The following OCM variants were observed in gnomAD, a reference collection of about 807,000 sequenced individuals.
OCM encodes the protein oncomodulin-1.
In OCM, 18 loss-of-function variants were observed where a neutral mutation model predicts 14.1. That is an observed-to-expected ratio of 1.28 (90% CI 0.88 to 1.89). The LOEUF is 1.89. OCM is among the 40% of genes most tolerant of loss of function. The probability of loss-of-function intolerance (pLI) is 0.00; values close to 1 mark genes in which losing one functional copy is unlikely to be tolerated. For synonymous variants in OCM, 48 were observed against 51.0 expected, an observed-to-expected ratio of 0.94 and a Z score of 0.25; for missense variants, 140 against 137.6, an observed-to-expected ratio of 1.02 and a Z score of -0.09.
At chr7:5,872,660 C>A in the OCM span, among the ~76,000 whole-genome samples, 1 of 152,088 alleles carries the variant, frequency 6.6e-6, no homozygotes, top group African/African-American at 2.4e-5. Flanking sequence ...CTTTGTTACA[C>A]AGATGCTAGA....
chr7:5,882,678 G>A lies in OCM; in HGVS notation c.194+53G>A, dbSNP rs1781244157. On this transcript the variant is annotated intron_variant, in intron 2 of 3. Transcript: ENST00000242104. The stretch of plus-strand genomic sequence containing the variant: ...ACCCGGCACTGCTGAGTGGGCCTGG[G>A]GTGCAGTGGGGGCCAGGTTGCTCAG... The A allele has an allele frequency of 1.9e-5, 31 of 1,601,324 alleles. No individual in the cohort carries two copies. In the South Asian group the frequency reaches 3.4e-4, roughly 17 times the overall value.
chr7:5,882,739 C>T (rs1583171755), intron 2 of OCM, 114 bp downstream of exon 2: 3 of 1,267,330 alleles, frequency 2.4e-6, no homozygotes, highest in Non-Finnish European at 3.3e-6. Context: ...GTTGGTCATT[C>T]GGCCAAGCAT....
chr7:5,870,612 A>C, the OCM span, among the ~76,000 whole-genome samples: 32 of 152,284 alleles, frequency 2.1e-4, no homozygotes, highest in African/African-American at 7.5e-4. Context: ...TGGCCATCTA[A>C]TCTCTGAAAT....
At position 5,880,956 on chromosome 7, in the gene OCM, G is replaced by C; in HGVS notation, c.61+6G>C. The C allele has an allele frequency of 6.2e-7, 1 of 1,613,152 alleles. No individual in the cohort carries two copies. Among genetic ancestry groups the C allele is most frequent in the Non-Finnish European group, 8.5e-7 (1 of 1,179,276 alleles). ...AGCGCTCCAGGAATGCCGAGGTAGA[G>C]GGGACGTGAGGCGGGGGTGGGATTT... On this transcript the variant is annotated splice_donor_region_variant and intron_variant, in intron 1 of 3. Transcript: ENST00000242104.
upstream of OCM, among the ~76,000 whole-genome samples, chr7:5,877,663 T>C (rs1781121448): frequency 6.7e-6 from 1 of 149,496 alleles, no homozygotes; most frequent in Admixed American, 6.7e-5. Context: ...CTACTAAAAA[T>C]GCAAAAATTA....
At chr7:5,868,815 C>A in the OCM span, among the ~76,000 whole-genome samples, 1 of 152,100 alleles carries the variant, frequency 6.6e-6, no homozygotes, top group African/African-American at 2.4e-5. Context: ...ATAATCCCAG[C>A]ACTTTGGGAG....
the OCM span, among the ~76,000 whole-genome samples, chr7:5,861,219 C>A: frequency 6.6e-6 from 1 of 151,996 alleles, no homozygotes; most frequent in African/African-American, 2.4e-5. Flanking sequence ...GTCAGGAGTT[C>A]GAGACCAGCC....
chr7:5,863,433 A>T, the OCM span, among the ~76,000 whole-genome samples: 1 of 152,058 alleles, frequency 6.6e-6, no homozygotes, highest in Non-Finnish European at 1.5e-5. Context: ...AGGAGAGGGA[A>T]GAGGGAGTAC....
chr7:5,865,806 C>CTCT, the OCM span, among the ~76,000 whole-genome samples: 1 of 152,106 alleles, frequency 6.6e-6, no homozygotes, highest in Non-Finnish European at 1.5e-5. Context: ...TTTAACTGTG[C>CTCT]ATTTAATACA....
intron 2 of OCM, among the ~76,000 whole-genome samples, chr7:5,883,550 G>T (rs901977895): frequency 6.6e-6 from 1 of 151,754 alleles, no homozygotes; most frequent in African/African-American, 2.4e-5. Context: ...AGTGGGGCAT[G>T]GTGGGGTGCA....
chr7:5,885,448 G>C (rs750686537), intron 3 of OCM, among the ~76,000 whole-genome samples: 1 of 152,106 alleles, frequency 6.6e-6, no homozygotes, highest in East Asian at 1.9e-4. Context: ...CTGAATTCAT[G>C]CATTATCAGG....
chr7:5,876,287 C>G (rs892410122), upstream of OCM, among the ~76,000 whole-genome samples: 1 of 151,842 alleles, frequency 6.6e-6, no homozygotes, highest in Non-Finnish European at 1.5e-5. Context: ...TACAGGCGTG[C>G]GCCACTGGAC....
At chr7:5,882,164 C>T (rs1781232547) in intron 1 of OCM, among the ~76,000 whole-genome samples, 2 of 149,386 alleles carry the variant, frequency 1.3e-5, no homozygotes, top group Admixed American at 6.7e-5. Flanking sequence ...GATTGCATTT[C>T]CCCCTACCAA....
At chr7:5,877,105 C>G (rs1781110399), upstream of OCM, among the ~76,000 whole-genome samples, 2 of 152,094 alleles carry the variant, frequency 1.3e-5, no homozygotes, top group African/African-American at 4.8e-5. Context: ...CACACCCGGC[C>G]TGAACTGTCT....
At chr7:5,862,976 T>C in the OCM span, among the ~76,000 whole-genome samples, 2 of 151,620 alleles carry the variant, frequency 1.3e-5, no homozygotes, top group East Asian at 2.0e-4. Flanking sequence ...TACTCCCTCT[T>C]TTCATACGTT....
chr7:5,872,206 C>T, the OCM span, among the ~76,000 whole-genome samples: 1 of 152,186 alleles, frequency 6.6e-6, no homozygotes. Context: ...GAGAGGTCAG[C>T]TCTTATAGAC....
the OCM span, among the ~76,000 whole-genome samples, chr7:5,859,874 G>A: frequency 6.6e-6 from 1 of 151,792 alleles, no homozygotes; most frequent in Non-Finnish European, 1.5e-5. Flanking sequence ...TTTTACTAGA[G>A]ACAGGGTTTT....
chr7:5,867,506 G>C, the OCM span, among the ~76,000 whole-genome samples: 1 of 151,818 alleles, frequency 6.6e-6, no homozygotes. Flanking sequence ...TTTTCTGGAG[G>C]TTCATTGAGC....
At chr7:5,862,385 C>T in the OCM span, among the ~76,000 whole-genome samples, 1 of 152,070 alleles carries the variant, frequency 6.6e-6, no homozygotes, top group Admixed American at 6.6e-5. Flanking sequence ...AGATGGCTCC[C>T]TCACAAGTTG....
Sources: allele counts gnomAD v4.1 joint callset (sites outside exome capture counted in the v4.1 genomes callset), GRCh38; gene constraint gnomAD v4.1.1; transcripts MANE v1.5; gene names NCBI Gene and HGNC (gene_info 2026-07-23, HGNC 2026-07-21).